The following XKR9 variants were observed in gnomAD, a reference collection of about 807,000 sequenced individuals.
The protein encoded by XKR9 is XK related 9, also known as XK-related protein 9.
Under a neutral mutation model 32.0 loss-of-function variants are expected in XKR9, and 32 were observed. The observed-to-expected ratio is 1.00, with a 90% confidence interval of 0.76 to 1.34. The LOEUF (loss-of-function observed/expected upper bound fraction) is 1.34. Ranked by LOEUF, XKR9 falls within the 40% of genes most tolerant of loss-of-function variation. The probability of loss-of-function intolerance (pLI) is 0.00; values close to 1 mark genes in which losing one functional copy is unlikely to be tolerated. For missense variants in XKR9, 546 were observed against 429.7 expected, an observed-to-expected ratio of 1.27 and a Z score of -2.39; for synonymous variants, 168 against 143.4, an observed-to-expected ratio of 1.17 and a Z score of -1.22.
At chr8:70,780,046 T>C (rs1807592895) in intron 2 of XKR9, among the ~76,000 whole-genome samples, 1 of 151,980 alleles carries the variant, frequency 6.6e-6, no homozygotes, top group Non-Finnish European at 1.5e-5. Flanking sequence ...ATTGTGATGT[T>C]AGGGTGTGGA....
chr8:70,787,231 C>A (rs1016683763), intron 2 of XKR9, among the ~76,000 whole-genome samples: 11 of 152,048 alleles, frequency 7.2e-5, no homozygotes, highest in African/African-American at 2.7e-4. Flanking sequence ...TACATACAGA[C>A]AAGAATTTTT....
At chr8:70,848,678 T>A in the XKR9 span, among the ~76,000 whole-genome samples, 1 of 150,146 alleles carries the variant, frequency 6.7e-6, no homozygotes, top group South Asian at 2.1e-4. Flanking sequence ...CGGTGTGCTG[T>A]ATTCAAAAGA....
At chr8:70,783,722 T>C (rs1807646818) in intron 2 of XKR9, among the ~76,000 whole-genome samples, 2 of 152,212 alleles carry the variant, frequency 1.3e-5, no homozygotes, top group Non-Finnish European at 2.9e-5. Flanking sequence ...TGTAATCCAA[T>C]TTCACAATTT....
chr8:70,805,397 G>A, the XKR9 span, among the ~76,000 whole-genome samples: 2 of 152,220 alleles, frequency 1.3e-5, no homozygotes, highest in Admixed American at 6.5e-5. Context: ...CTCCCGGGGG[G>A]AGGGGTGACC....
At chr8:71,046,384 C>G in the XKR9 span, among the ~76,000 whole-genome samples, 1 of 152,148 alleles carries the variant, frequency 6.6e-6, no homozygotes, top group Admixed American at 6.5e-5. Context: ...CAGCAGTGTC[C>G]CTTCTGTGCA....
chr8:70,761,651 G>C (rs1807310573), intron 2 of XKR9, among the ~76,000 whole-genome samples: 1 of 151,928 alleles, frequency 6.6e-6, no homozygotes, highest in Non-Finnish European at 1.5e-5. Flanking sequence ...TAAGCTGTCT[G>C]TTAACTCTGT....
chr8:70,982,221 CAG>C, the XKR9 span, among the ~76,000 whole-genome samples: 1 of 152,182 alleles, frequency 6.6e-6, no homozygotes, highest in Non-Finnish European at 1.5e-5. Context: ...TCAGGTTTTT[CAG>C]ATGGTGGGCA....
At chr8:70,776,220 A>G (rs1807518379) in intron 2 of XKR9, among the ~76,000 whole-genome samples, 1 of 152,190 alleles carries the variant, frequency 6.6e-6, no homozygotes, top group Admixed American at 6.6e-5. Context: ...GAAGGGCTTA[A>G]TTCTAATACA....
At chr8:70,738,993 G>A (rs1198002646), downstream of XKR9, among the ~76,000 whole-genome samples, 1 of 152,130 alleles carries the variant, frequency 6.6e-6, no homozygotes, top group Non-Finnish European at 1.5e-5. Flanking sequence ...GGTCCGCTTG[G>A]TGCAGAGCTG....
chr8:70,845,793 T>C, the XKR9 span, among the ~76,000 whole-genome samples: 1 of 151,980 alleles, frequency 6.6e-6, no homozygotes, highest in Non-Finnish European at 1.5e-5. Flanking sequence ...CCAAAGCCCA[T>C]GTGACATATA....
the XKR9 span, among the ~76,000 whole-genome samples, chr8:70,964,872 T>C: frequency 6.6e-6 from 1 of 152,314 alleles, no homozygotes; most frequent in East Asian, 1.9e-4. Flanking sequence ...GTTTTCCAGA[T>C]ATAGGATCAT....
the XKR9 span, among the ~76,000 whole-genome samples, chr8:70,805,832 C>T: frequency 6.6e-6 from 1 of 152,158 alleles, no homozygotes; most frequent in Non-Finnish European, 1.5e-5. Context: ...CCTGGTAGTT[C>T]TGAGGAGTAT....
At chr8:70,922,138 T>C in the XKR9 span, among the ~76,000 whole-genome samples, 1 of 152,160 alleles carries the variant, frequency 6.6e-6, no homozygotes, top group Non-Finnish European at 1.5e-5. Context: ...TCTGTATACC[T>C]CTGAGGAATA....
chr8:71,034,742 C>T, the XKR9 span, among the ~76,000 whole-genome samples: 11 of 151,990 alleles, frequency 7.2e-5, no homozygotes, highest in South Asian at 2.1e-4. Context: ...TTCTCAGCTG[C>T]GGTCCCGGAC....
chr8:70,934,493 C>G, the XKR9 span, among the ~76,000 whole-genome samples: 8 of 151,970 alleles, frequency 5.3e-5, no homozygotes, highest in Admixed American at 6.6e-5. Context: ...AGCAAAACAA[C>G]TCATAGACAA....
chr8:70,905,139 C>T, the XKR9 span, among the ~76,000 whole-genome samples: 1 of 152,108 alleles, frequency 6.6e-6, no homozygotes, highest in African/African-American at 2.4e-5. Flanking sequence ...GTGGCGTTCT[C>T]TGTATTTCCT....
the XKR9 span, among the ~76,000 whole-genome samples, chr8:70,946,480 C>G: frequency 2.0e-5 from 3 of 152,016 alleles, no homozygotes; most frequent in Non-Finnish European, 4.4e-5. Context: ...ATACATATAC[C>G]CTACAACAGT....
At chr8:70,975,429 G>A in the XKR9 span, among the ~76,000 whole-genome samples, 16 of 152,276 alleles carry the variant, frequency 1.1e-4, no homozygotes, top group Non-Finnish European at 1.5e-4. Flanking sequence ...TAAGGTGTAA[G>A]GAAGGTATCC....
the XKR9 span, among the ~76,000 whole-genome samples, chr8:70,933,469 A>T: frequency 6.6e-6 from 1 of 151,696 alleles, no homozygotes; most frequent in Non-Finnish European, 1.5e-5. Flanking sequence ...GGCATAACGT[A>T]CATAGAAGTT....
Sources: allele counts gnomAD v4.1 joint callset (sites outside exome capture counted in the v4.1 genomes callset), GRCh38; gene constraint gnomAD v4.1.1; transcripts MANE v1.5; gene names NCBI Gene and HGNC (gene_info 2026-07-23, HGNC 2026-07-21).